Variants in VKORC1L1 observed in about 807,000 individuals in gnomAD.
VKORC1L1 encodes the protein vitamin K epoxide reductase complex subunit 1L1.
A neutral mutation model predicts 18.9 loss-of-function variants in VKORC1L1; 2 were observed. That is an observed-to-expected ratio of 0.11 (90% CI 0.04 to 0.33). The LOEUF (loss-of-function observed/expected upper bound fraction) is 0.33. Among genes scored for constraint, VKORC1L1 ranks in the 10% least tolerant of loss-of-function variants. The pLI, the probability that VKORC1L1 is intolerant of heterozygous loss-of-function variation, is 1.00. For synonymous variants in VKORC1L1, 96 were observed against 100.0 expected, an observed-to-expected ratio of 0.96 and a Z score of 0.24; for missense variants, 123 against 224.1, an observed-to-expected ratio of 0.55 and a Z score of 2.88.
intron 1 of VKORC1L1, among the ~76,000 whole-genome samples, chr7:65,931,604 A>G (rs188975436): frequency 1.2e-3 from 177 of 151,820 alleles, no homozygotes; most frequent in East Asian, 7.1e-3. Context: ...TTCTTTTGTC[A>G]GAGGTTTATC....
intron 1 of VKORC1L1, among the ~76,000 whole-genome samples, chr7:65,893,540 C>G (rs537364781): frequency 3.3e-5 from 5 of 152,070 alleles, no homozygotes; most frequent in African/African-American, 1.2e-4. Context: ...GAGACTCTAT[C>G]TCAAAAAAGT....
At chr7:65,870,097 A>G (rs1251136809), upstream of VKORC1L1, among the ~76,000 whole-genome samples, 1 of 151,882 alleles carries the variant, frequency 6.6e-6, no homozygotes, top group Admixed American at 6.6e-5. Flanking sequence ...AGTAGCTAAC[A>G]TTTTTTGAGT....
intron 1 of VKORC1L1, among the ~76,000 whole-genome samples, chr7:65,931,621 G>A (rs1388656082): frequency 6.6e-6 from 1 of 151,930 alleles, no homozygotes; most frequent in Non-Finnish European, 1.5e-5. Flanking sequence ...TATCAATAAA[G>A]GTTAGCTAGA....
At chr7:65,899,652 G>A (rs1789276136) in intron 1 of VKORC1L1, among the ~76,000 whole-genome samples, 1 of 152,098 alleles carries the variant, frequency 6.6e-6, no homozygotes. Context: ...ACAGTGGTGT[G>A]AGATTCTGGC....
At chr7:65,924,214 G>A (rs1386437841) in intron 1 of VKORC1L1, among the ~76,000 whole-genome samples, 1 of 152,168 alleles carries the variant, frequency 6.6e-6, no homozygotes, top group Non-Finnish European at 1.5e-5. Context: ...GCTTCCCAAG[G>A]TTTTTCAAGG....
At chr7:65,883,665 A>G (rs1197484870) in intron 1 of VKORC1L1, among the ~76,000 whole-genome samples, 1 of 150,414 alleles carries the variant, frequency 6.6e-6, no homozygotes, top group Non-Finnish European at 1.5e-5. Flanking sequence ...AAACCCGGCT[A>G]ATTTTTGTAT....
At chr7:65,887,985 TTTA>T (rs1417589582) in intron 1 of VKORC1L1, among the ~76,000 whole-genome samples, 4 of 152,216 alleles carry the variant, frequency 2.6e-5, no homozygotes, top group Non-Finnish European at 5.9e-5. Flanking sequence ...TAGTTAACAT[TTTA>T]TTATTATTCA....
chr7:65,947,537 TAAC>T (rs1790142270), intron 1 of VKORC1L1, among the ~76,000 whole-genome samples: 1 of 152,118 alleles, frequency 6.6e-6, no homozygotes, highest in East Asian at 1.9e-4. Flanking sequence ...TCAAATAAGT[TAAC>T]AATTTAAAAA....
chr7:65,932,729 TTA>T (rs1208373491), intron 1 of VKORC1L1, among the ~76,000 whole-genome samples: 1 of 152,218 alleles, frequency 6.6e-6, no homozygotes, highest in Admixed American at 6.5e-5. Flanking sequence ...TATGATATGT[TTA>T]TGTTTTGTTT....
intron 1 of VKORC1L1, among the ~76,000 whole-genome samples, chr7:65,919,469 A>G (rs891749874): frequency 1.3e-5 from 2 of 152,122 alleles, no homozygotes; most frequent in African/African-American, 2.4e-5. Flanking sequence ...TTTCTTTCCT[A>G]ACTCAGAAAA....
At chr7:65,871,008 A>ACTG (rs1788719100), upstream of VKORC1L1, among the ~76,000 whole-genome samples, 1 of 152,104 alleles carries the variant, frequency 6.6e-6, no homozygotes, top group Admixed American at 6.5e-5. Context: ...CTGGTCTTGA[A>ACTG]CTGCTGGCCT....
At chr7:65,873,603 C>A in intron 1 of VKORC1L1, 38 bp downstream of exon 1, 1 of 1,301,270 alleles carries the variant, frequency 7.7e-7, no homozygotes, top group Admixed American at 2.5e-5. Flanking sequence ...AGCGGCCGAG[C>A]GGGGCGAGGG....
At chr7:65,933,077 CAA>C (rs59403784) in intron 1 of VKORC1L1, among the ~76,000 whole-genome samples, 6 of 65,340 alleles carry the variant, frequency 9.2e-5, no homozygotes, top group African/African-American at 2.9e-4. Context: ...GACTTCGTCT[CAA>C]AAAAAAAAAA....
At chr7:65,940,298 A>G (rs539640228) in intron 1 of VKORC1L1, among the ~76,000 whole-genome samples, 1 of 152,334 alleles carries the variant, frequency 6.6e-6, no homozygotes, top group East Asian at 1.9e-4. Flanking sequence ...AATAACAGGC[A>G]TAAGCCATCA....
chr7:65,943,489 T>C (rs1412544674), intron 1 of VKORC1L1, among the ~76,000 whole-genome samples: 1 of 152,174 alleles, frequency 6.6e-6, no homozygotes, highest in Non-Finnish European at 1.5e-5. Flanking sequence ...TCCACTAAGT[T>C]CCTCAGAGCA....
At chr7:65,913,200 C>G (rs999884041) in intron 1 of VKORC1L1, among the ~76,000 whole-genome samples, 1 of 152,156 alleles carries the variant, frequency 6.6e-6, no homozygotes, top group East Asian at 1.9e-4. Flanking sequence ...AAATATATAT[C>G]ATATTCTTAA....
chr7:65,929,366 C>A (rs893434861), intron 1 of VKORC1L1, among the ~76,000 whole-genome samples: 4 of 152,012 alleles, frequency 2.6e-5, no homozygotes, highest in Non-Finnish European at 5.9e-5. Flanking sequence ...GAGCCGAGAT[C>A]GCGCCACTGC....
intron 1 of VKORC1L1, among the ~76,000 whole-genome samples, chr7:65,914,328 C>T (rs1039831542): frequency 2.6e-5 from 4 of 152,190 alleles, no homozygotes; most frequent in Non-Finnish European, 5.9e-5. Flanking sequence ...TCTCCAACTC[C>T]TGGACTCAAG....
intron 1 of VKORC1L1, among the ~76,000 whole-genome samples, chr7:65,888,534 C>G (rs145163796): frequency 1.3e-5 from 2 of 152,144 alleles, no homozygotes; most frequent in East Asian, 1.9e-4. Context: ...AGAGTGAGCC[C>G]ATTTGCCCTG....
Sources: gnomAD v4.1 joint callset for allele counts (sites outside exome capture counted in the v4.1 genomes callset) on GRCh38, gnomAD v4.1.1 for gene constraint, MANE v1.5 for transcripts, NCBI Gene and HGNC (gene_info 2026-07-23, HGNC 2026-07-21) for gene names.